PRDM5: variants seen among roughly 807,000 people sequenced by gnomAD.
PRDM5 encodes PR/SET domain 5, also known as PR domain zinc finger protein 5.
In PRDM5, 56 loss-of-function variants were observed where a neutral mutation model predicts 81.2. The observed-to-expected ratio is 0.69, with a 90% confidence interval of 0.56 to 0.86. The LOEUF (loss-of-function observed/expected upper bound fraction) is 0.86. PRDM5 is among the 40% of genes least tolerant of loss of function. PRDM5 has a pLI of 0.00. For missense variants in PRDM5, 697 were observed against 770.1 expected (o/e 0.91, Z 1.12); for synonymous variants, 267 against 256.4 (o/e 1.04, Z -0.39).
At chr4:120,774,081 T>C (rs1747704490) in intron 13 of PRDM5, among the ~76,000 whole-genome samples, 1 of 152,226 alleles carries the variant, frequency 6.6e-6, no homozygotes, top group Admixed American at 6.5e-5. Context: ...TAGTTATAGA[T>C]ATAACCCACA....
At chr4:120,908,722 T>C (rs545668231) in intron 1 of PRDM5, among the ~76,000 whole-genome samples, 12 of 152,288 alleles carry the variant, frequency 7.9e-5, no homozygotes, top group African/African-American at 2.9e-4. Context: ...ATCAAGACTA[T>C]AATTGTAAGT....
intron 10 of PRDM5, among the ~76,000 whole-genome samples, chr4:120,790,839 G>A (rs1750458488): frequency 6.6e-6 from 1 of 152,170 alleles, no homozygotes; most frequent in Non-Finnish European, 1.5e-5. Flanking sequence ...CACTACTCGG[G>A]AGGCTGAGGT....
intron 2 of PRDM5, chr4:120,885,356 TG>T (rs1170602042): frequency 6.6e-6 from 1 of 152,024 alleles, no homozygotes; most frequent in Non-Finnish European, 1.5e-5. Flanking sequence ...GGAAAAAACT[TG>T]GGTAACATTA....
intron 1 of PRDM5, among the ~76,000 whole-genome samples, chr4:120,914,958 C>T (rs1723944655): frequency 6.6e-6 from 1 of 152,082 alleles, no homozygotes; most frequent in South Asian, 2.1e-4. Context: ...GCTGTGGGTA[C>T]ACAAAGGCAT....
At chr4:120,884,140 T>G (rs193069327) in intron 2 of PRDM5, among the ~76,000 whole-genome samples, 2 of 152,288 alleles carry the variant, frequency 1.3e-5, no homozygotes, top group African/African-American at 4.8e-5. Context: ...AAGAGTTACT[T>G]TAAAAGATTT....
At chr4:120,695,793 T>C (rs1474324623) in intron 15 of PRDM5, among the ~76,000 whole-genome samples, 1 of 152,064 alleles carries the variant, frequency 6.6e-6, no homozygotes, top group African/African-American at 2.4e-5. Context: ...AACAGCCCCA[T>C]AACTAAAAAT....
intron 3 of PRDM5, among the ~76,000 whole-genome samples, chr4:120,843,827 G>A (rs1433998068): frequency 6.6e-6 from 1 of 152,102 alleles, no homozygotes; most frequent in Non-Finnish European, 1.5e-5. Context: ...GGGTCACCAA[G>A]CCACTATATC....
intron 8 of PRDM5, among the ~76,000 whole-genome samples, chr4:120,800,550 G>A (rs981388655): frequency 1.3e-5 from 2 of 151,648 alleles, no homozygotes; most frequent in African/African-American, 4.8e-5. Flanking sequence ...ATGACAGGAG[G>A]ATCACAACTT....
intron 2 of PRDM5, among the ~76,000 whole-genome samples, chr4:120,869,163 A>G (rs1761524994): frequency 6.6e-6 from 1 of 152,188 alleles, no homozygotes. Flanking sequence ...AACATTAATT[A>G]TCTAAGCTGC....
chr4:120,850,562 T>C (rs941576899), intron 3 of PRDM5, among the ~76,000 whole-genome samples: 1 of 152,114 alleles, frequency 6.6e-6, no homozygotes, highest in Non-Finnish European at 1.5e-5. Context: ...GTGCACTGCA[T>C]CCCTATTAAG....
intron 3 of PRDM5, among the ~76,000 whole-genome samples, chr4:120,829,166 G>T (rs573505931): frequency 6.6e-6 from 1 of 152,066 alleles, no homozygotes; most frequent in Non-Finnish European, 1.5e-5. Context: ...TTGTAAGGTT[G>T]AGAGGCCCAT....
rs1311582465 is a variant in PRDM5, at chr4:120,757,239, C to A, written c.1538-2601G>T. On this transcript the variant is annotated intron_variant, in intron 13 of 15. Transcript: ENST00000264808. ...TCCATAGACTTAAAAAGGCTAACTT[C>A]TTTTAAGACATAGCTTTTTTCATAC... Among the ~76,000 whole-genome samples the A allele has an allele frequency of 2.0e-5, 3 of 152,264 alleles. No individual in the cohort carries two copies. The East Asian group carries it at 5.8e-4, about 29-fold the overall frequency.
chr4:120,707,914 C>T (rs543024501), intron 15 of PRDM5, among the ~76,000 whole-genome samples: 1 of 152,090 alleles, frequency 6.6e-6, no homozygotes, highest in African/African-American at 2.4e-5. Context: ...TGGAAAGATG[C>T]TCACCATCAT....
intron 14 of PRDM5, among the ~76,000 whole-genome samples, chr4:120,730,743 AG>A (rs1443494123): frequency 6.6e-6 from 1 of 152,180 alleles, no homozygotes; most frequent in Non-Finnish European, 1.5e-5. Flanking sequence ...TAAAGTCTAA[AG>A]ATAATACAGT....
Position 120,919,655 on chromosome 4 carries a change from AATTT to A in PRDM5, c.93+2857_93+2860del, listed in dbSNP as rs199775093. On this transcript the variant is annotated intron_variant, in intron 1 of 15. Coordinates refer to ENST00000264808, the MANE Select transcript of PRDM5 (RefSeq NM_018699.4). ...TTAAATTTTTATTGGATGTATACTT[AATTT>A]ATGAGTTTTGAGTAACTAATATTAA... Among the ~76,000 whole-genome samples the A allele has an allele frequency of 4.3e-3, 660 of 152,310 alleles. 6 individuals carry two copies. The highest frequency in any genetic ancestry group is 0.016 in the African/African-American group (649 of 41,576).
intron 2 of PRDM5, among the ~76,000 whole-genome samples, chr4:120,867,708 C>T (rs1432421164): frequency 6.6e-6 from 1 of 152,210 alleles, no homozygotes; most frequent in Non-Finnish European, 1.5e-5. Context: ...AAATCTGGGG[C>T]TTTCCCCAAG....
At chr4:120,696,240 G>C (rs1734506068) in intron 15 of PRDM5, among the ~76,000 whole-genome samples, 2 of 152,256 alleles carry the variant, frequency 1.3e-5, no homozygotes, top group Middle Eastern at 3.4e-3. Flanking sequence ...TTTAGAGTCT[G>C]ATCACTTTCC....
chr4:120,721,159 G>A (rs1436193030), intron 14 of PRDM5, among the ~76,000 whole-genome samples: 1 of 152,174 alleles, frequency 6.6e-6, no homozygotes, highest in Non-Finnish European at 1.5e-5. Context: ...CAGCTCAAAA[G>A]CCTTGTTTTC....
chr4:120,741,762 T>A (rs1317922405), intron 14 of PRDM5, among the ~76,000 whole-genome samples: 3 of 152,064 alleles, frequency 2.0e-5, no homozygotes, highest in Admixed American at 6.6e-5. Flanking sequence ...ATCATGCACC[T>A]GGCTCAGAGG....
Sources: gnomAD v4.1 joint callset for allele counts (sites outside exome capture counted in the v4.1 genomes callset) on GRCh38, gnomAD v4.1.1 for gene constraint, MANE v1.5 for transcripts, NCBI Gene and HGNC (gene_info 2026-07-23, HGNC 2026-07-21) for gene names.